Variants in SCAF8 observed in about 807,000 individuals in gnomAD.
The protein encoded by SCAF8 is SR-related CTD associated factor 8.
SCAF8 carries 23 observed loss-of-function variants against 140.5 expected under a neutral mutation model. The ratio of observed to expected loss-of-function variants is 0.16; its 90% CI spans 0.12 to 0.23. SCAF8 has a LOEUF of 0.23. Among genes scored for constraint, SCAF8 ranks in the 10% least tolerant of loss-of-function variants. SCAF8 has a pLI of 1.00. For synonymous variants in SCAF8, 575 were observed against 528.9 expected, an observed-to-expected ratio of 1.09 and a Z score of -1.20; for missense variants, 1,397 against 1,555.7, an observed-to-expected ratio of 0.90 and a Z score of 1.72.
intron 1 of SCAF8, among the ~76,000 whole-genome samples, chr6:154,740,109 G>C (rs920142338): frequency 6.6e-6 from 1 of 151,940 alleles, no homozygotes; most frequent in African/African-American, 2.4e-5. Flanking sequence ...TTTTTACCTT[G>C]TGAAAGTCCT....
intron 1 of SCAF8, 124 bp downstream of exon 1, chr6:154,734,054 G>A (rs569281820): frequency 8.2e-5 from 111 of 1,355,060 alleles, no homozygotes; most frequent in Non-Finnish European, 1.0e-4. Context: ...CGGTGGCCTA[G>A]CAGTGCCCGT....
chr6:154,745,785 A>G (rs147370503), intron 1 of SCAF8, among the ~76,000 whole-genome samples: 2,207 of 152,230 alleles, frequency 0.014, 31 homozygotes, highest in Middle Eastern at 0.034. Flanking sequence ...TTCGGAGTCT[A>G]TCATTTTTGT....
intron 1 of SCAF8, chr6:154,741,931 A>T: frequency 6.6e-7 from 1 of 1,509,374 alleles, no homozygotes; most frequent in Admixed American, 2.0e-5. Context: ...TGTTCTCAAC[A>T]TCTTTCTCTA....
At chr6:154,794,882 A>G in intron 5 of SCAF8, 127 bp from the exon 6 acceptor site, 1 of 775,580 alleles carries the variant, frequency 1.3e-6, no homozygotes, top group South Asian at 1.9e-5. Flanking sequence ...CAAAGTGGAC[A>G]CAATAAAATA....
Position 154,832,713 on chromosome 6 carries a change from C to T in SCAF8, c.3134C>T (p.Pro1045Leu). The T allele has an allele frequency of 6.2e-7, 1 of 1,613,866 alleles. No homozygotes were observed. Among genetic ancestry groups the T allele is most frequent in the South Asian group, 1.1e-5 (1 of 91,068 alleles). ...GATGTGGTTGGGCGGCCTATAGATC[C>T]AAGAGAAGGTCCTGGACGGCCTCCA... ...VRDVVGRPID[P>L]REGPGRPPLD... The change falls in exon 20 of 20, where the codon CCA (proline) becomes CTA (leucine). Residue 1045 changes from proline to leucine, a missense_variant. By Grantham distance (98) the Pro-to-Leu change is moderately conservative (BLOSUM62 -3). Transcript: ENST00000367178.
intron 4 of SCAF8, among the ~76,000 whole-genome samples, chr6:154,791,583 C>T (rs1026568264): frequency 2.6e-5 from 4 of 152,080 alleles, no homozygotes; most frequent in South Asian, 4.2e-4. Flanking sequence ...AAAAGAGACC[C>T]GAGAATCCTT....
intron 13 of SCAF8, among the ~76,000 whole-genome samples, chr6:154,816,694 T>C (rs1381240922): frequency 6.6e-6 from 1 of 152,184 alleles, no homozygotes; most frequent in African/African-American, 2.4e-5. Flanking sequence ...TTTTTATCAT[T>C]ATTTATCAGA....
chr6:154,808,302 C>A, intron 10 of SCAF8, 101 bp downstream of exon 10: 1 of 1,166,068 alleles, frequency 8.6e-7, no homozygotes, highest in Non-Finnish European at 1.2e-6. Flanking sequence ...TTTTCCCACA[C>A]TTAAGCTCCA....
intron 5 of SCAF8, 80 bp downstream of exon 5, chr6:154,793,056 C>T (rs1401296719): frequency 2.1e-5 from 24 of 1,166,102 alleles, no homozygotes; most frequent in African/African-American, 3.1e-5. Flanking sequence ...AAAAATAATT[C>T]GACAGTGCAG....
Position 154,733,758 on chromosome 6 carries a change from T to C in SCAF8, c.-143T>C. ...TCCCCGCCAGCGCGTGCCCTTCCAC[T>C]CCGCCCCGAGGTCGCAGCGGCCCGC... On this transcript the variant is annotated 5_prime_UTR_variant, in exon 1 of 20. Coordinates refer to ENST00000367178, the MANE Select transcript of SCAF8 (RefSeq NM_014892.5). 5.2e-6 allele frequency: 7 copies of C among 1,353,458 alleles called. No homozygotes were observed. The highest frequency in any genetic ancestry group is 6.6e-6 in the Non-Finnish European group (7 of 1,057,868). 83.8% of individuals were successfully genotyped at this position (1,353,458 alleles called of 1,614,324 possible). A position where few individuals can be genotyped will look rare whatever the true frequency, so the allele number is the denominator to read the frequency against.
At chr6:154,789,878 G>C (rs1490074020) in intron 4 of SCAF8, among the ~76,000 whole-genome samples, 2 of 152,110 alleles carry the variant, frequency 1.3e-5, no homozygotes, top group Non-Finnish European at 2.9e-5. Context: ...TGTCATAATT[G>C]ATTTTTAAAA....
At chr6:154,799,635 A>C (rs1021436970) in intron 6 of SCAF8, among the ~76,000 whole-genome samples, 1 of 151,044 alleles carries the variant, frequency 6.6e-6, no homozygotes, top group African/African-American at 2.4e-5. Flanking sequence ...GTTGTTTCTT[A>C]AATAAACTAC....
At chr6:154,818,386 G>C (rs1367585473) in intron 13 of SCAF8, 93 bp from the exon 14 acceptor site, 2 of 533,806 alleles carry the variant, frequency 3.7e-6, no homozygotes, top group Non-Finnish European at 6.4e-6. Flanking sequence ...TGAAGTATTA[G>C]TAAGTAGTCA....
At position 154,831,936 on chromosome 6, in the gene SCAF8, T is replaced by C; in HGVS notation, c.2360-3T>C. ...AGTTTTTTCTCTCTCTCTTTTTTTT[T>C]AGTGATTCCAAATGATATTTCAAGT... On this transcript the variant is annotated splice_region_variant and splice_polypyrimidine_tract_variant and intron_variant, in intron 19 of 19. Coordinates refer to ENST00000367178, the MANE Select transcript of SCAF8 (RefSeq NM_014892.5). 1 of 1,570,060 alleles carries C rather than the reference T, an allele frequency of 6.4e-7. No homozygotes were observed. Among genetic ancestry groups the C allele is most frequent in the Non-Finnish European group, 8.6e-7 (1 of 1,163,176 alleles).
intron 1 of SCAF8, among the ~76,000 whole-genome samples, chr6:154,756,588 G>A (rs1016104638): frequency 2.0e-5 from 3 of 152,140 alleles, no homozygotes; most frequent in African/African-American, 7.2e-5. Flanking sequence ...GTTTTTAGTT[G>A]ATTATACCTT....
chr6:154,805,320 G>A (rs1031373033), intron 8 of SCAF8, 49 bp from the exon 9 acceptor site: 11 of 1,044,660 alleles, frequency 1.1e-5, no homozygotes, highest in Admixed American at 5.9e-5. Context: ...TATTTTCATA[G>A]TATCTTTAGT....
At chr6:154,795,173 T>G in intron 6 of SCAF8, 34 bp downstream of exon 6, 5 of 1,562,160 alleles carry the variant, frequency 3.2e-6, no homozygotes, top group Non-Finnish European at 3.5e-6. Flanking sequence ...AAGAATAATT[T>G]AGAATTTAAT....
chr6:154,745,811 T>G (rs115176188), intron 1 of SCAF8, among the ~76,000 whole-genome samples: 311 of 152,262 alleles, frequency 2.0e-3, no homozygotes, highest in African/African-American at 7.1e-3. Context: ...TTAGTTTGCA[T>G]TCTCTACAAG....
At position 154,833,460 on chromosome 6, in the gene SCAF8, T is replaced by C; in HGVS notation, c.*65T>C. On this transcript the variant is annotated 3_prime_UTR_variant, in exon 20 of 20. Coordinates refer to ENST00000367178, the MANE Select transcript of SCAF8 (RefSeq NM_014892.5). ...TCATCTCTCTGTAATAGATAATGGC[T>C]GACTGGACCATAGTTGTTCACTTTT... 2 of 1,452,280 alleles carry C rather than the reference T, an allele frequency of 1.4e-6. No homozygotes were observed. The highest frequency in any genetic ancestry group is 1.9e-6 in the Non-Finnish European group (2 of 1,066,868). The allele number at this position is 1,452,280 out of a possible 1,614,324, so 90.0% of individuals were successfully genotyped here. A position where few individuals can be genotyped will look rare whatever the true frequency, so the allele number is the denominator to read the frequency against.
Sources: allele counts gnomAD v4.1 joint callset (sites outside exome capture counted in the v4.1 genomes callset), GRCh38; gene constraint gnomAD v4.1.1; transcripts MANE v1.5; gene names NCBI Gene and HGNC (gene_info 2026-07-23, HGNC 2026-07-21).